Variants in RSRC1 observed in about 807,000 individuals in gnomAD.
The protein encoded by RSRC1 is serine/Arginine-related protein 53.
RSRC1 carries 39 observed loss-of-function variants against 49.1 expected under a neutral mutation model. The ratio of observed to expected loss-of-function variants is 0.79; its 90% CI spans 0.61 to 1.04. The LOEUF (loss-of-function observed/expected upper bound fraction) is 1.04. RSRC1 is among the 50% of genes least tolerant of loss of function. RSRC1 has a pLI of 0.00. For missense variants in RSRC1, 388 were observed against 402.4 expected, an observed-to-expected ratio of 0.96 and a Z score of 0.31; for synonymous variants, 143 against 130.8, an observed-to-expected ratio of 1.09 and a Z score of -0.63.
intron 6 of RSRC1, among the ~76,000 whole-genome samples, chr3:158,420,958 T>C (rs1321275214): frequency 1.3e-5 from 2 of 151,932 alleles, no homozygotes; most frequent in African/African-American, 2.4e-5. Context: ...AATTCTGATA[T>C]GTGCAGTGAA....
chr3:158,325,351 T>C (rs1225128874), intron 5 of RSRC1, among the ~76,000 whole-genome samples: 1 of 152,258 alleles, frequency 6.6e-6, no homozygotes, highest in East Asian at 1.9e-4. Flanking sequence ...CTAGGGTTTT[T>C]ATGGTTTTAG....
chr3:158,352,507 A>C (rs1254825775), intron 5 of RSRC1, among the ~76,000 whole-genome samples: 1 of 151,938 alleles, frequency 6.6e-6, no homozygotes, highest in Non-Finnish European at 1.5e-5. Context: ...ATGAAATACA[A>C]AAAAAAATTA....
intron 6 of RSRC1, among the ~76,000 whole-genome samples, chr3:158,385,847 A>T (rs1373537062): frequency 6.6e-6 from 1 of 152,190 alleles, no homozygotes; most frequent in Non-Finnish European, 1.5e-5. Flanking sequence ...TTAAGAAATT[A>T]AATGAAGCAT....
At chr3:158,530,818 G>C (rs141016947) in intron 7 of RSRC1, among the ~76,000 whole-genome samples, 1 of 149,112 alleles carries the variant, frequency 6.7e-6, no homozygotes, top group African/African-American at 2.5e-5. Flanking sequence ...AGGGTGCAGC[G>C]CACCAGCATG....
At chr3:158,417,658 G>A (rs1050376240) in intron 6 of RSRC1, among the ~76,000 whole-genome samples, 2 of 151,824 alleles carry the variant, frequency 1.3e-5, no homozygotes, top group South Asian at 2.1e-4. Flanking sequence ...GGTGCTGTAT[G>A]TTTAACACTT....
Position 158,122,165 on chromosome 3 carries a change from C to G in RSRC1, c.61C>G (p.Arg21Gly). The change falls in exon 2 of 10, where the codon CGT becomes GGT. Residue 21 changes from arginine to glycine, a missense_variant. Arg to Gly is a moderately radical substitution (Grantham distance 125). Transcript: ENST00000611884. ...ESRSKRKKKH[R>G]RRSSSSSSSD... ...CAGAAGCAAGAGAAAAAAGAAACAC[C>G]GTAGACGGTCCTCCTCGAGCAGTTC... The G allele has an allele frequency of 6.3e-7, 1 of 1,595,980 alleles. No individual in the cohort carries two copies. Among genetic ancestry groups the G allele is most frequent in the East Asian group, 2.3e-5 (1 of 43,342 alleles).
intron 3 of RSRC1, among the ~76,000 whole-genome samples, chr3:158,145,092 T>C (rs1717002110): frequency 6.6e-6 from 1 of 152,202 alleles, no homozygotes; most frequent in African/African-American, 2.4e-5. Context: ...GCCTGTTCAC[T>C]CTGATGGTAG....
At chr3:158,135,053 A>G (rs150416151) in intron 3 of RSRC1, among the ~76,000 whole-genome samples, 1 of 152,222 alleles carries the variant, frequency 6.6e-6, no homozygotes, top group African/African-American at 2.4e-5. Context: ...TAATACCCCT[A>G]AATTCCTTAA....
At chr3:158,270,389 A>G (rs937058460) in intron 4 of RSRC1, among the ~76,000 whole-genome samples, 1 of 152,198 alleles carries the variant, frequency 6.6e-6, no homozygotes, top group East Asian at 1.9e-4. Context: ...TAGTGTCCTC[A>G]CCCTGTATGG....
Position 158,123,985 on chromosome 3 carries a change from CA to C in RSRC1, c.316del (p.Arg106GlufsTer69), listed in dbSNP as rs1440552495. 6.3e-7 allele frequency: 1 copy of C among 1,593,804 alleles called. No homozygotes were observed. The highest frequency in any genetic ancestry group is 1.4e-5 in the African/African-American group (1 of 74,064). On this transcript the variant is annotated frameshift_variant, in exon 3 of 10. Transcript: ENST00000611884. LOFTEE classifies it high-confidence loss of function. ...RVQRSRSKSR[T>X]RRSRSRPRLR... is the part of the protein sequence containing the mutation. ...CAGAGGTCTAGGTCAAAAAGCAGAA[CA>C]AGAAGGTATGCCTTATTAAGTATTT...
At chr3:158,161,343 GA>G (rs1158976142) in intron 3 of RSRC1, among the ~76,000 whole-genome samples, 1 of 152,100 alleles carries the variant, frequency 6.6e-6, no homozygotes, top group Non-Finnish European at 1.5e-5. Flanking sequence ...TAGACAAAAG[GA>G]AAACAAGCCC....
At chr3:158,528,140 G>T (rs959282280) in intron 7 of RSRC1, among the ~76,000 whole-genome samples, 1 of 151,852 alleles carries the variant, frequency 6.6e-6, no homozygotes, top group Non-Finnish European at 1.5e-5. Context: ...AAAGATAGAA[G>T]AACCTAGTAA....
chr3:158,344,657 C>T (rs1343937011), intron 5 of RSRC1, among the ~76,000 whole-genome samples: 1 of 152,066 alleles, frequency 6.6e-6, no homozygotes, highest in Non-Finnish European at 1.5e-5. Context: ...CAGATGAAAA[C>T]CTGGGTTGAC....
chr3:158,454,632 G>A (rs1327707332), intron 6 of RSRC1, among the ~76,000 whole-genome samples: 1 of 152,112 alleles, frequency 6.6e-6, no homozygotes, highest in African/African-American at 2.4e-5. Context: ...CAGTGATAGT[G>A]ATTCCAAAAA....
chr3:158,378,576 T>C (rs762652842), intron 6 of RSRC1, among the ~76,000 whole-genome samples: 21 of 152,210 alleles, frequency 1.4e-4, no homozygotes, highest in Admixed American at 5.2e-4. Context: ...AGCTGAAATA[T>C]CAACTTAATT....
intron 6 of RSRC1, among the ~76,000 whole-genome samples, chr3:158,452,926 C>A (rs1737120213): frequency 6.6e-6 from 1 of 152,138 alleles, no homozygotes; most frequent in Non-Finnish European, 1.5e-5. Flanking sequence ...GTTCTCCATG[C>A]ATGCTTTCTG....
At chr3:158,450,893 T>C (rs896619832) in intron 6 of RSRC1, among the ~76,000 whole-genome samples, 1 of 151,870 alleles carries the variant, frequency 6.6e-6, no homozygotes, top group African/African-American at 2.4e-5. Flanking sequence ...AGCTTACTAT[T>C]GTGTTCTAAA....
At chr3:158,358,026 T>C (rs1298990902) in intron 6 of RSRC1, among the ~76,000 whole-genome samples, 5 of 152,216 alleles carry the variant, frequency 3.3e-5, no homozygotes, top group African/African-American at 9.6e-5. Flanking sequence ...ATAATGTTAT[T>C]GGTTTGGAAT....
intron 1 of RSRC1, among the ~76,000 whole-genome samples, chr3:158,112,775 T>C (rs182451144): frequency 4.6e-5 from 7 of 152,264 alleles, no homozygotes; most frequent in Admixed American, 4.6e-4. Flanking sequence ...GCGTTATCTA[T>C]TTTTCCTGAT....
Sources: allele counts gnomAD v4.1 joint callset (sites outside exome capture counted in the v4.1 genomes callset), GRCh38; gene constraint gnomAD v4.1.1; transcripts MANE v1.5; gene names NCBI Gene and HGNC (gene_info 2026-07-23, HGNC 2026-07-21).